The following RSL24D1 variants were observed in gnomAD, a reference collection of about 807,000 sequenced individuals.
RSL24D1 encodes ribosomal L24 domain containing 1.
A neutral mutation model predicts 26.2 loss-of-function variants in RSL24D1; 6 were observed. The ratio of observed to expected loss-of-function variants is 0.23; its 90% confidence interval spans 0.13 to 0.45. The LOEUF is 0.45. Among genes scored for constraint, RSL24D1 ranks in the 20% least tolerant of loss-of-function variants. RSL24D1 has a pLI of 0.99. For missense variants in RSL24D1, 176 were observed against 202.6 expected (o/e 0.87, Z 0.80); for synonymous variants, 61 against 59.1 (o/e 1.03, Z -0.15).
At position 55,182,012 on chromosome 15, in the gene RSL24D1, T is replaced by C. The variant is rs753779637; in HGVS notation, c.*140A>G. ...CTAACATCCGTAATATCTGATATTA[T>C]GTAGATGGCAATGCAGGAAAGATGT... On this transcript the variant is annotated 3_prime_UTR_variant, in exon 6 of 6. Transcript: ENST00000260443. The C allele has an allele frequency of 1.0e-5, 6 of 589,580 alleles. No homozygotes were observed. The highest frequency in any genetic ancestry group is 2.8e-5 in the East Asian group (1 of 35,790). 36.5% of individuals were successfully genotyped at this position (589,580 alleles called of 1,614,324 possible).
chr15:55,192,726 A>T lies in RSL24D1; in HGVS notation c.189T>A (p.Leu63=). 1 of 1,606,538 alleles carries T rather than the reference A, an allele frequency of 6.2e-7. No homozygotes were observed. The highest frequency in any genetic ancestry group is 8.5e-7 in the Non-Finnish European group (1 of 1,173,112). Residue 63 remains leucine, a synonymous_variant, in exon 2 of 6, where the codon CTT becomes CTA. Transcript: ENST00000260443. ...KAFRKAAGKE[L]TVDNSFEFEK... ...GATAGCTAACCGTACTCACCACTGT[A>T]AGCTCTTTACCAGCTGCTTTCCGGA...
At position 55,196,861 on chromosome 15, in the gene RSL24D1, C is replaced by T; in HGVS notation, c.30G>A (p.Ser10=). 6.2e-7 allele frequency: 1 copy of T among 1,614,144 alleles called. No individual in the cohort carries two copies. The highest frequency in any genetic ancestry group is 8.5e-7 in the Non-Finnish European group (1 of 1,180,036). ...TGCCGTGTCCAGGATAGATGGGCCC[C>T]GAACAGAAATAACACTTTTCGATAC... The part of the protein sequence containing the change: MRIEKCYFC[S]GPIYPGHGMM... The change falls in exon 1 of 6, where the codon TCG becomes TCA. Residue 10 remains serine (S), a synonymous_variant. Coordinates refer to ENST00000260443, the MANE Select transcript of RSL24D1 (RefSeq NM_016304.3).
At chr15:55,188,939 C>T (rs931399367) in intron 3 of RSL24D1, among the ~76,000 whole-genome samples, 2 of 152,182 alleles carry the variant, frequency 1.3e-5, no homozygotes, top group African/African-American at 4.8e-5. Flanking sequence ...CGCCTGTAAT[C>T]CCAGCACTTT....
chr15:55,186,824 T>C (rs1471531176), intron 3 of RSL24D1, among the ~76,000 whole-genome samples: 3 of 152,090 alleles, frequency 2.0e-5, no homozygotes, highest in African/African-American at 7.2e-5. Flanking sequence ...TTTCTGGAAA[T>C]ACATATTAAA....
At chr15:55,183,196 G>T in intron 5 of RSL24D1, 119 bp downstream of exon 5, 1 of 682,356 alleles carries the variant, frequency 1.5e-6, no homozygotes, top group Non-Finnish European at 2.4e-6. Context: ...CATTTTTATA[G>T]GCCAAATCAT....
chr15:55,195,269 A>G (rs1465312943), intron 1 of RSL24D1: 1 of 152,178 alleles, frequency 6.6e-6, no homozygotes, highest in African/African-American at 2.4e-5. Flanking sequence ...CTGAGGTACT[A>G]AGGAATTCTC....
At chr15:55,192,587 A>C (rs1894309588) in intron 2 of RSL24D1, 133 bp downstream of exon 2, 1 of 546,994 alleles carries the variant, frequency 1.8e-6, no homozygotes, top group African/African-American at 1.9e-5. Flanking sequence ...TTATTTCCAC[A>C]GCCAAATACA....
At position 55,182,002 on chromosome 15, in the gene RSL24D1, T is replaced by C; in HGVS notation, c.*150A>G. 7.0e-6 allele frequency: 4 copies of C among 569,186 alleles called. No individual in the cohort carries two copies. The highest frequency in any genetic ancestry group is 1.3e-5 in the Non-Finnish European group (4 of 315,962). 35.3% of individuals were successfully genotyped at this position (569,186 alleles called of 1,614,324 possible). On this transcript the variant is annotated 3_prime_UTR_variant, in exon 6 of 6. Transcript: ENST00000260443. ...GAGATGCAATCTAACATCCGTAATA[T>C]CTGATATTATGTAGATGGCAATGCA...
intron 1 of RSL24D1, among the ~76,000 whole-genome samples, chr15:55,194,919 A>G (rs1348388638): frequency 1.3e-5 from 2 of 150,376 alleles, no homozygotes; most frequent in Non-Finnish European, 3.0e-5. Flanking sequence ...GCTACTCAGC[A>G]TGCTGAGGAG....
At chr15:55,191,324 C>G (rs1173743267) in intron 2 of RSL24D1, among the ~76,000 whole-genome samples, 1 of 152,050 alleles carries the variant, frequency 6.6e-6, no homozygotes, top group African/African-American at 2.4e-5. Context: ...ATCAGGATTA[C>G]AAACTGAAAA....
At chr15:55,184,194 T>C (rs28710976) in intron 4 of RSL24D1, among the ~76,000 whole-genome samples, 25,952 of 152,052 alleles carry the variant, frequency 0.17, 2,492 homozygotes, top group African/African-American at 0.26. Context: ...CTGAAAAAAA[T>C]AGTTGATTCC....
At chr15:55,182,749 C>T (rs1050853208) in intron 5 of RSL24D1, among the ~76,000 whole-genome samples, 1 of 152,174 alleles carries the variant, frequency 6.6e-6, no homozygotes, top group South Asian at 2.1e-4. Context: ...AGTAGATCTA[C>T]ACAAATGTAC....
Position 55,183,372 on chromosome 15 carries a change from C to T in RSL24D1, c.361G>A (p.Val121Ile), listed in dbSNP as rs1425383291. 6.2e-7 allele frequency: 1 copy of T among 1,612,154 alleles called. No homozygotes were observed. Among genetic ancestry groups the T allele is most frequent in the Admixed American group, 1.7e-5 (1 of 59,856 alleles). Reference sequence around the variant, plus strand: ...TGCTTGACTTCTTTGATATCCTGAACTTTCTGTAGCTCTTTATTTTTCTTC... The same window carrying T: ...TGCTTGACTTCTTTGATATCCTGAATTTTCTGTAGCTCTTTATTTTTCTTC... ...RLKKNKELQK[V>I]QDIKEVKQNI... The change falls in exon 5 of 6, where the codon GTT becomes ATT. Residue 121 changes from valine to isoleucine, a missense_variant. Val to Ile is a conservative substitution (Grantham distance 29). Around this residue, in one of 3 missense-constraint regions of RSL24D1, gnomAD observed 89 missense variants for 135.1 expected, o/e 0.66. Coordinates refer to ENST00000260443, the MANE Select transcript of RSL24D1 (RefSeq NM_016304.3).
At position 55,183,303 on chromosome 15, in the gene RSL24D1, T is replaced by G; in HGVS notation, c.418+12A>C. ...AGACCACAAAAATCTAGATGTGCAA[T>G]GTAGTACTCACCTGCAAGAGGGGCT... On this transcript the variant is annotated intron_variant, in intron 5 of 5. Coordinates refer to ENST00000260443, the MANE Select transcript of RSL24D1 (RefSeq NM_016304.3). The G allele has an allele frequency of 6.2e-7, 1 of 1,607,210 alleles. No individual in the cohort carries two copies. The highest frequency in any genetic ancestry group is 8.5e-7 in the Non-Finnish European group (1 of 1,175,968).
At chr15:55,189,125 G>A (rs576755440) in intron 3 of RSL24D1, among the ~76,000 whole-genome samples, 7 of 149,978 alleles carry the variant, frequency 4.7e-5, no homozygotes, top group Middle Eastern at 3.4e-3. Flanking sequence ...CCCGGGAGGC[G>A]GAGATTGCAG....
chr15:55,186,160 T>C (rs75019561), intron 3 of RSL24D1, among the ~76,000 whole-genome samples: 5,897 of 152,310 alleles, frequency 0.039, 128 homozygotes, highest in Non-Finnish European at 0.052. Context: ...CTTGTTTTCA[T>C]ATTAAGTCTT....
chr15:55,194,899 T>C (rs1244270761), intron 1 of RSL24D1, among the ~76,000 whole-genome samples: 1 of 151,764 alleles, frequency 6.6e-6, no homozygotes, highest in African/African-American at 2.4e-5. Context: ...GGTGCACACC[T>C]GTAGTCCCAG....
chr15:55,196,579 C>T, intron 1 of RSL24D1: 1 of 592,476 alleles, frequency 1.7e-6, no homozygotes, highest in Non-Finnish European at 3.0e-6. Flanking sequence ...TTCCTCGCTG[C>T]CAACGCCACC....
Position 55,181,451 on chromosome 15 carries a change from C to T in RSL24D1, c.*701G>A, listed in dbSNP as rs1281944100. ...AAAAGGCGCTGGGATTCCTCTGCTT[C>T]TAGATCAATGCTGGGCTAGAAAAGT... On this transcript the variant is annotated 3_prime_UTR_variant, in exon 6 of 6. Transcript: ENST00000260443. The T allele has an allele frequency of 6.6e-6, 1 of 152,616 alleles. No individual in the cohort carries two copies. The highest frequency in any genetic ancestry group is 6.5e-5 in the Admixed American group (1 of 15,268). The allele number at this position is 152,616 out of a possible 1,614,324, so 9.5% of individuals were successfully genotyped here. A position where few individuals can be genotyped will look rare whatever the true frequency, so the allele number is the denominator to read the frequency against.
Sources: allele counts gnomAD v4.1 joint callset (sites outside exome capture counted in the v4.1 genomes callset), GRCh38; gene constraint gnomAD v4.1.1; regional missense constraint gnomAD v4.1.1; transcripts MANE v1.5; gene names NCBI Gene and HGNC (gene_info 2026-07-23, HGNC 2026-07-21).